GDA: variants seen among roughly 807,000 people sequenced by gnomAD.
GDA encodes the protein cytoplasmic PSD-95 interactor.
Under a neutral mutation model 59.6 loss-of-function variants are expected in GDA, and 18 were observed. That is an observed-to-expected ratio of 0.30 (90% CI 0.21 to 0.45). The LOEUF is 0.45. Ranked by LOEUF, GDA falls within the 20% of genes least tolerant of loss-of-function variation. GDA has a pLI of 1.00. For synonymous variants in GDA, 201 were observed against 201.1 expected (o/e 1.00, Z 0.00); for missense variants, 427 against 552.3 (o/e 0.77, Z 2.27).
At chr9:72,213,122 G>T (rs1835594955) in intron 4 of GDA, among the ~76,000 whole-genome samples, 1 of 151,930 alleles carries the variant, frequency 6.6e-6, no homozygotes. Flanking sequence ...ACAAAAATTA[G>T]CTGGGCACAG....
intron 1 of GDA, among the ~76,000 whole-genome samples, chr9:72,116,124 C>T (rs564714846): frequency 6.6e-5 from 10 of 151,954 alleles, no homozygotes; most frequent in Non-Finnish European, 1.3e-4. Context: ...ATCCCAGCTA[C>T]TCGGGAGGCT....
chr9:72,141,672 C>G (rs1196012569), intron 1 of GDA, among the ~76,000 whole-genome samples: 1 of 152,140 alleles, frequency 6.6e-6, no homozygotes, highest in African/African-American at 2.4e-5. Flanking sequence ...CTCTCAGCAC[C>G]TCGGCTAGCA....
At chr9:72,231,251 T>G (rs1252380715) in intron 10 of GDA, 70 bp downstream of exon 10, 1 of 862,604 alleles carries the variant, frequency 1.2e-6, no homozygotes, top group African/African-American at 1.7e-5. Flanking sequence ...TGTGACTAAT[T>G]TGCAGGTGAC....
At chr9:72,213,802 CAAA>C (rs200145454) in intron 4 of GDA, 81 bp from the exon 5 acceptor site, 3,295 of 607,776 alleles carry the variant, frequency 5.4e-3, no homozygotes, top group Middle Eastern at 7.9e-3. Context: ...GACTCCGTCT[CAAA>C]AAAAAAAAAA....
Position 72,250,207 on chromosome 9 carries a change from T to C in GDA, c.*1865T>C, listed in dbSNP as rs954479631. ...CTTGATTACATGGTGTCTAACCAAA[T>C]GAGCAGGCTTAGGAATTTAGATGAG... On this transcript the variant is annotated 3_prime_UTR_variant, in exon 14 of 14. Coordinates refer to ENST00000358399, the MANE Select transcript of GDA (RefSeq NM_004293.5). 1.0e-6 allele frequency: 1 copy of C among 985,620 alleles called. No homozygotes were observed. The highest frequency in any genetic ancestry group is 6.1e-5 in the Admixed American group (1 of 16,276). 61.1% of individuals were successfully genotyped at this position (985,620 alleles called of 1,614,324 possible). A position where few individuals can be genotyped will look rare whatever the true frequency, so the allele number is the denominator to read the frequency against.
chr9:72,222,463 G>A (rs1317518175), intron 6 of GDA, among the ~76,000 whole-genome samples: 1 of 152,116 alleles, frequency 6.6e-6, no homozygotes, highest in Non-Finnish European at 1.5e-5. Context: ...CTGGATATTA[G>A]ACTTTTGTCA....
At chr9:72,153,866 T>G (rs1316523644) in intron 1 of GDA, among the ~76,000 whole-genome samples, 3 of 146,306 alleles carry the variant, frequency 2.1e-5, no homozygotes, top group Non-Finnish European at 3.0e-5. Flanking sequence ...TAATGCTAAA[T>G]GACGAGTTAA....
At chr9:72,168,609 T>C (rs551188124) in intron 1 of GDA, among the ~76,000 whole-genome samples, 1 of 152,132 alleles carries the variant, frequency 6.6e-6, no homozygotes, top group Admixed American at 6.5e-5. Flanking sequence ...GCCAGGCTGG[T>C]CTCAGTCTCC....
At chr9:72,136,476 A>G (rs1826228560) in intron 1 of GDA, among the ~76,000 whole-genome samples, 1 of 152,230 alleles carries the variant, frequency 6.6e-6, no homozygotes, top group Non-Finnish European at 1.5e-5. Flanking sequence ...ATTTTCTAGT[A>G]TACACTGTAC....
intron 3 of GDA, among the ~76,000 whole-genome samples, chr9:72,208,934 T>C (rs1343103007): frequency 6.6e-6 from 1 of 152,112 alleles, no homozygotes; most frequent in Admixed American, 6.5e-5. Flanking sequence ...ACCTATATAA[T>C]AGAGCGTTTT....
At chr9:72,204,125 T>C (rs920951719) in intron 3 of GDA, among the ~76,000 whole-genome samples, 7 of 152,180 alleles carry the variant, frequency 4.6e-5, no homozygotes, top group African/African-American at 1.2e-4. Flanking sequence ...GAGCAAGTGC[T>C]AACATTTATA....
chr9:72,181,315 C>T (rs1202217388), intron 1 of GDA, among the ~76,000 whole-genome samples: 1 of 151,932 alleles, frequency 6.6e-6, no homozygotes, highest in East Asian at 1.9e-4. Flanking sequence ...CTTATCATGT[C>T]CTTACTTTTA....
rs1825478594 is a variant in GDA, at chr9:72,117,044, G to A, written c.-100+2211G>A. Among the ~76,000 whole-genome samples, 3 of 151,382 alleles carry A rather than the reference G, an allele frequency of 2.0e-5. No individual in the cohort carries two copies. The South Asian group carries it at 6.2e-4, about 31-fold the overall frequency. On this transcript the variant is annotated intron_variant, in intron 1 of 13. Coordinates refer to the GDA transcript ENST00000545168. ...ATGCAGTGTTTGGTTTTCTGTCCTT[G>A]AGATAGTTTGCTCAGAATGATGGTT...
At chr9:72,126,670 G>T (rs988011933) in intron 1 of GDA, among the ~76,000 whole-genome samples, 8 of 149,908 alleles carry the variant, frequency 5.3e-5, no homozygotes, top group Non-Finnish European at 8.9e-5. Flanking sequence ...GGGGTCAAGT[G>T]ATTCTCCTAC....
upstream of GDA, among the ~76,000 whole-genome samples, chr9:72,147,962 C>T (rs572715785): frequency 1.5e-4 from 23 of 152,234 alleles, no homozygotes; most frequent in South Asian, 2.9e-3. Flanking sequence ...TTTTCCTGAA[C>T]GGCCTTTCAG....
In GDA at chr9:72,245,039, T is replaced by C. The variant is rs924333434; in HGVS notation, c.1136-109T>C. 101 of 914,062 alleles carry C rather than the reference T, an allele frequency of 1.1e-4. No individual in the cohort carries two copies. In the Middle Eastern group the frequency reaches 1.1e-3, roughly 10 times the overall value. 56.6% of individuals were successfully genotyped at this position (914,062 alleles called of 1,614,324 possible). The stretch of plus-strand genomic sequence containing the variant: ...CTGTCTCACTGTTAAGATACTAATT[T>C]TTTTTTTTCTCCTAGCGACATGTTG... On this transcript the variant is annotated intron_variant, in intron 11 of 13. Coordinates refer to ENST00000358399, the MANE Select transcript of GDA (RefSeq NM_004293.5).
At chr9:72,133,013 A>G (rs759766925) in intron 1 of GDA, among the ~76,000 whole-genome samples, 46 of 152,112 alleles carry the variant, frequency 3.0e-4, no homozygotes, top group Non-Finnish European at 4.1e-4. Flanking sequence ...TTAGTTGGCC[A>G]GGTGCAGTGG....
intron 1 of GDA, among the ~76,000 whole-genome samples, chr9:72,177,370 A>G (rs1426467201): frequency 2.0e-5 from 3 of 152,162 alleles, no homozygotes; most frequent in African/African-American, 7.2e-5. Flanking sequence ...TGCTGGGATT[A>G]CAGGCGTGAG....
intron 1 of GDA, among the ~76,000 whole-genome samples, chr9:72,128,120 G>A (rs1366610992): frequency 6.6e-6 from 1 of 152,084 alleles, no homozygotes; most frequent in African/African-American, 2.4e-5. Flanking sequence ...ATGATAAATG[G>A]CAAATTATTT....
Sources: allele counts gnomAD v4.1 joint callset (sites outside exome capture counted in the v4.1 genomes callset), GRCh38; gene constraint gnomAD v4.1.1; transcripts MANE v1.5; gene names NCBI Gene and HGNC (gene_info 2026-07-23, HGNC 2026-07-21).